The following ZNF529 variants were observed in gnomAD, a reference collection of about 807,000 sequenced individuals.
ZNF529 encodes the protein zinc finger protein 529.
A neutral mutation model predicts 10.1 loss-of-function variants in ZNF529; 11 were observed. The observed-to-expected ratio is 1.09, with a 90% CI of 0.69 to 1.81. ZNF529 has a LOEUF of 1.81. Among genes scored for constraint, ZNF529 ranks in the 40% most tolerant of loss-of-function variants. ZNF529 has a pLI of 0.00. For missense variants in ZNF529, 624 were observed against 666.8 expected (o/e 0.94, Z 0.71); for synonymous variants, 204 against 215.7 (o/e 0.95, Z 0.47).
intron 4 of ZNF529, among the ~76,000 whole-genome samples, chr19:36,552,445 TCAA>T (rs113463285): frequency 1.7e-4 from 26 of 151,728 alleles, no homozygotes; most frequent in African/African-American, 4.3e-4. Flanking sequence ...ATAAATAAAA[TCAA>T]CAACAACAAC....
chr19:36,573,374 C>A (rs1045220686), upstream of ZNF529: 1 of 461,020 alleles, frequency 2.2e-6, no homozygotes, highest in Non-Finnish European at 4.5e-6. Flanking sequence ...ACGAAAGAGC[C>A]CTGAAGCTCA....
chr19:36,573,361 A>AC (rs2036219404), upstream of ZNF529: 1 of 448,848 alleles, frequency 2.2e-6, no homozygotes, highest in African/African-American at 2.0e-5. Context: ...ACGTAGTCCA[A>AC]CAACGAAAGA....
At chr19:36,585,673 ATACAAAAGAGATTAC>A (rs1317563435) in intron 2 of ZNF529, among the ~76,000 whole-genome samples, 1 of 152,244 alleles carries the variant, frequency 6.6e-6, no homozygotes, top group African/African-American at 2.4e-5. Context: ...GGCACTCTGC[ATACAAAAGAGATTAC>A]TATGAATTTT....
intron 2 of ZNF529, among the ~76,000 whole-genome samples, chr19:36,557,753 A>G (rs1354528477): frequency 2.0e-5 from 3 of 152,212 alleles, no homozygotes; most frequent in Non-Finnish European, 1.5e-5. Flanking sequence ...ACAATTGTCT[A>G]TAATGTCCAC....
At chr19:36,576,517 G>A (rs75283445), upstream of ZNF529, among the ~76,000 whole-genome samples, 836 of 152,134 alleles carry the variant, frequency 5.5e-3, 23 homozygotes, top group Admixed American at 0.037. Flanking sequence ...AGGAGTTCAA[G>A]ACCAGCCTGG....
At chr19:36,578,059 A>ATTTTTTTT (rs755942233), upstream of ZNF529, 1 of 89,288 alleles carries the variant, frequency 1.1e-5, no homozygotes, top group African/African-American at 4.8e-5. Flanking sequence ...TGTGGGGGAG[A>ATTTTTTTT]TTTTTTTTTT....
chr19:36,559,747 G>A (rs1399540762), intron 2 of ZNF529, among the ~76,000 whole-genome samples: 2 of 152,220 alleles, frequency 1.3e-5, no homozygotes, highest in Non-Finnish European at 2.9e-5. Flanking sequence ...ATATATGTAT[G>A]TGTCAATTAT....
chr19:36,546,691 A>C lies in ZNF529; in HGVS notation c.*175T>G. 1 of 609,712 alleles carries C rather than the reference A, an allele frequency of 1.6e-6. No homozygotes were observed. Among genetic ancestry groups the C allele is most frequent in the Non-Finnish European group, 2.6e-6 (1 of 383,626 alleles). The allele number at this position is 609,712 out of a possible 1,614,324, so 37.8% of individuals were successfully genotyped here. A position where few individuals can be genotyped will look rare whatever the true frequency, so the allele number is the denominator to read the frequency against. On this transcript the variant is annotated 3_prime_UTR_variant, in exon 5 of 5. Coordinates refer to ENST00000591340, the MANE Select transcript of ZNF529 (RefSeq NM_020951.5). ...ATATTTGGCAACATCTAACAAAGCT[A>C]TAAGTATATATCAGCTATGACTAAG...
chr19:36,570,152 G>A (rs1189119705), intron 2 of ZNF529, among the ~76,000 whole-genome samples: 1 of 151,996 alleles, frequency 6.6e-6, no homozygotes, highest in East Asian at 1.9e-4. Flanking sequence ...CTTAAGCCCA[G>A]GAGTTCAAGA....
chr19:36,578,291 CTTTTTTTTTTTTTTTTTTTTTTTTT>C (rs1159725232), upstream of ZNF529, among the ~76,000 whole-genome samples: 2 of 31,794 alleles, frequency 6.3e-5, no homozygotes, highest in African/African-American at 1.2e-4. Flanking sequence ...GTCTTGATCT[CTTTTTTTTTTTTTTTTTTTTTTTTT>C]TTTTTTTGAG....
intron 2 of ZNF529, among the ~76,000 whole-genome samples, chr19:36,565,766 A>C (rs2035873750): frequency 6.6e-6 from 1 of 152,200 alleles, no homozygotes; most frequent in South Asian, 2.1e-4. Flanking sequence ...AGTCTATTGC[A>C]TCTTGGGCTT....
intron 4 of ZNF529, among the ~76,000 whole-genome samples, chr19:36,548,580 CTGTAGA>C (rs2035142226): frequency 6.6e-6 from 1 of 152,174 alleles, no homozygotes; most frequent in Non-Finnish European, 1.5e-5. Flanking sequence ...GAATCAAAAT[CTGTAGA>C]TGTAGAACTA....
chr19:36,590,927 C>T (rs2036693571), intron 1 of ZNF529, among the ~76,000 whole-genome samples: 2 of 108,444 alleles, frequency 1.8e-5, no homozygotes, highest in Non-Finnish European at 3.8e-5. Context: ...AAGACTCCGT[C>T]TCAAAAAAAA....
chr19:36,598,339 G>A (rs1311204524), intron 1 of ZNF529, among the ~76,000 whole-genome samples: 2 of 151,938 alleles, frequency 1.3e-5, no homozygotes, highest in African/African-American at 4.8e-5. Context: ...GTGAGACTCT[G>A]TGTCTACAAT....
intron 1 of ZNF529, among the ~76,000 whole-genome samples, chr19:36,592,423 G>A (rs183818422): frequency 7.3e-5 from 11 of 151,346 alleles, no homozygotes; most frequent in East Asian, 1.9e-4. Context: ...GTCAAACTCC[G>A]TCTCCACTAA....
chr19:36,596,011 T>C (rs898586675), intron 1 of ZNF529, among the ~76,000 whole-genome samples: 3 of 151,356 alleles, frequency 2.0e-5, no homozygotes, highest in Non-Finnish European at 4.4e-5. Flanking sequence ...ACTGAATTTG[T>C]CTATTCATCC....
At chr19:36,591,165 G>A (rs550958480) in intron 1 of ZNF529, among the ~76,000 whole-genome samples, 6 of 151,624 alleles carry the variant, frequency 4.0e-5, no homozygotes, top group African/African-American at 1.5e-4. Flanking sequence ...TGGGCATGGT[G>A]GTGTGCGCCT....
chr19:36,575,146 T>C (rs1420095176), upstream of ZNF529, among the ~76,000 whole-genome samples: 1 of 152,222 alleles, frequency 6.6e-6, no homozygotes. Context: ...TTATTTATCA[T>C]GGTTTTGTGT....
At chr19:36,552,520 G>A (rs2035302484) in intron 4 of ZNF529, among the ~76,000 whole-genome samples, 1 of 152,152 alleles carries the variant, frequency 6.6e-6, no homozygotes, top group Non-Finnish European at 1.5e-5. Context: ...CAGAATCACA[G>A]GGGCTAATCT....
Sources: gnomAD v4.1 joint callset for allele counts (sites outside exome capture counted in the v4.1 genomes callset) on GRCh38, gnomAD v4.1.1 for gene constraint, MANE v1.5 for transcripts, NCBI Gene and HGNC (gene_info 2026-07-23, HGNC 2026-07-21) for gene names.